The following ZMAT4 variants were observed in gnomAD, a reference collection of about 807,000 sequenced individuals.
ZMAT4 encodes the protein zinc finger matrin-type protein 4.
A neutral mutation model predicts 28.7 loss-of-function variants in ZMAT4; 17 were observed. That is an observed-to-expected ratio of 0.59 (90% CI 0.41 to 0.89). ZMAT4 has a LOEUF of 0.89. Ranked by LOEUF, ZMAT4 falls within the 40% of genes least tolerant of loss-of-function variation. The pLI, the probability that ZMAT4 is intolerant of heterozygous loss-of-function variation, is 0.00. For synonymous variants in ZMAT4, 117 were observed against 109.2 expected (o/e 1.07, Z -0.44); for missense variants, 240 against 283.8 (o/e 0.85, Z 1.11).
At chr8:40,587,729 G>A (rs1331233347) in intron 5 of ZMAT4, among the ~76,000 whole-genome samples, 1 of 151,896 alleles carries the variant, frequency 6.6e-6, no homozygotes, top group African/African-American at 2.4e-5. Flanking sequence ...GAAACAAATA[G>A]AAAACAGATA....
At chr8:40,848,472 G>T (rs1181856163) in intron 1 of ZMAT4, among the ~76,000 whole-genome samples, 1 of 152,184 alleles carries the variant, frequency 6.6e-6, no homozygotes, top group Non-Finnish European at 1.5e-5. Flanking sequence ...GAGAAAAGTG[G>T]GAGGTGGCCT....
intron 5 of ZMAT4, among the ~76,000 whole-genome samples, chr8:40,604,985 G>A (rs952221842): frequency 6.6e-6 from 1 of 151,958 alleles, no homozygotes; most frequent in African/African-American, 2.4e-5. Flanking sequence ...GCTCATAGTA[G>A]CCCTGAATAA....
At chr8:40,693,963 C>T (rs1809764684) in intron 4 of ZMAT4, among the ~76,000 whole-genome samples, 1 of 152,212 alleles carries the variant, frequency 6.6e-6, no homozygotes, top group Non-Finnish European at 1.5e-5. Context: ...ACAGAAATCA[C>T]CCCAGTTCAA....
At chr8:40,846,937 T>C (rs1816923729) in intron 1 of ZMAT4, among the ~76,000 whole-genome samples, 2 of 152,300 alleles carry the variant, frequency 1.3e-5, no homozygotes, top group Admixed American at 1.3e-4. Context: ...CCAGGCACAG[T>C]GGCTCATGCC....
At chr8:40,795,191 T>C (rs1814536644) in intron 2 of ZMAT4, among the ~76,000 whole-genome samples, 3 of 152,142 alleles carry the variant, frequency 2.0e-5, no homozygotes, top group Non-Finnish European at 4.4e-5. Context: ...CTTGAGTCCA[T>C]GTTTATAGCC....
intron 5 of ZMAT4, among the ~76,000 whole-genome samples, chr8:40,656,059 G>C (rs1202707025): frequency 6.6e-6 from 1 of 152,056 alleles, no homozygotes; most frequent in Admixed American, 6.6e-5. Context: ...TATCTGATAA[G>C]AATCCAGTAT....
chr8:40,697,745 C>T (rs1162824630), intron 3 of ZMAT4, among the ~76,000 whole-genome samples: 1 of 140,246 alleles, frequency 7.1e-6, no homozygotes, highest in South Asian at 2.6e-4. Context: ...GGTGCAATCT[C>T]TTTTTCTTCA....
chr8:40,589,945 C>T (rs1804822656), intron 5 of ZMAT4, among the ~76,000 whole-genome samples: 1 of 113,750 alleles, frequency 8.8e-6, no homozygotes, highest in African/African-American at 3.3e-5. Context: ...CCCTTCCTTC[C>T]TTCCTTCTTC....
At chr8:40,701,525 TTTTTTTTTTTG>T (rs1563421497) in intron 3 of ZMAT4, among the ~76,000 whole-genome samples, 1 of 138,922 alleles carries the variant, frequency 7.2e-6, no homozygotes, top group African/African-American at 2.7e-5. Flanking sequence ...TTTTTTTTTT[TTTTTTTTTTTG>T]AGATGGAGTC....
chr8:40,785,184 A>G lies in ZMAT4; in HGVS notation c.103-17454T>C, dbSNP rs1342976054. 2.0e-5 allele frequency among the ~76,000 whole-genome samples: 3 copies of G among 152,240 alleles called. No homozygotes were observed. The East Asian group carries it at 5.8e-4, about 29-fold the overall frequency. ...TATGTAAACAGACCCTTCAATGTCT[A>G]TTGCAAGACTGACCCGTCTCTGAAA... On this transcript the variant is annotated intron_variant, in intron 2 of 6. Transcript: ENST00000297737.
chr8:40,887,318 A>G (rs1385864124), intron 1 of ZMAT4, among the ~76,000 whole-genome samples: 9 of 151,432 alleles, frequency 5.9e-5, no homozygotes, highest in Admixed American at 4.6e-4. Context: ...GTGAAACCCC[A>G]TCTCTACTAA....
chr8:40,807,762 C>T (rs1459870246), intron 2 of ZMAT4, among the ~76,000 whole-genome samples: 1 of 152,160 alleles, frequency 6.6e-6, no homozygotes, highest in East Asian at 1.9e-4. Flanking sequence ...TCATTAATTT[C>T]AAAACTTTGT....
At chr8:40,881,813 C>T (rs936424520) in intron 1 of ZMAT4, among the ~76,000 whole-genome samples, 15 of 152,112 alleles carry the variant, frequency 9.9e-5, no homozygotes, top group African/African-American at 3.4e-4. Context: ...ATGGGAATAG[C>T]TCGGCCCAAC....
chr8:40,637,704 T>C lies in ZMAT4; in HGVS notation c.577+37000A>G, dbSNP rs558403144. Among the ~76,000 whole-genome samples the C allele has an allele frequency of 1.8e-3, 270 of 152,304 alleles. 3 individuals are homozygous for C. The highest frequency in any genetic ancestry group is 6.1e-3 in the African/African-American group (253 of 41,556). On this transcript the variant is annotated intron_variant, in intron 5 of 6. Coordinates refer to ENST00000297737, the MANE Select transcript of ZMAT4 (RefSeq NM_024645.3). ...ACAAATGACTGCATTTAAGAACACC[T>C]GGGAAAACCACACACGTGACTCAGG...
intron 2 of ZMAT4, among the ~76,000 whole-genome samples, chr8:40,814,638 G>T (rs1467190705): frequency 1.3e-5 from 2 of 152,154 alleles, no homozygotes; most frequent in Non-Finnish European, 2.9e-5. Flanking sequence ...ATGAAACTAA[G>T]ATTATAGCAT....
At chr8:40,607,986 G>A (rs1290481175) in intron 5 of ZMAT4, among the ~76,000 whole-genome samples, 1 of 152,024 alleles carries the variant, frequency 6.6e-6, no homozygotes, top group Non-Finnish European at 1.5e-5. Flanking sequence ...TTTTTTTAAT[G>A]TGTTGGTCTT....
chr8:40,653,416 A>T lies in ZMAT4; in HGVS notation c.577+21288T>A, dbSNP rs182671359. Among the ~76,000 whole-genome samples the T allele has an allele frequency of 5.3e-5, 8 of 152,224 alleles. No individual in the cohort carries two copies. In the East Asian group the frequency reaches 1.5e-3, roughly 29 times the overall value. On this transcript the variant is annotated intron_variant, in intron 5 of 6. Transcript: ENST00000297737. ...GGAAGGAAATAATACATTAGAATAG[A>T]AGAAGATGAAATAGATTATAGAAAA...
chr8:40,606,996 T>C (rs1373456163), intron 5 of ZMAT4, among the ~76,000 whole-genome samples: 1 of 152,136 alleles, frequency 6.6e-6, no homozygotes, highest in Non-Finnish European at 1.5e-5. Flanking sequence ...TTCAATTCTA[T>C]TGTTGAGAGT....
intron 1 of ZMAT4, among the ~76,000 whole-genome samples, chr8:40,876,802 C>T (rs1408980936): frequency 1.3e-5 from 2 of 152,160 alleles, no homozygotes; most frequent in African/African-American, 2.4e-5. Flanking sequence ...CATGTATTTT[C>T]GACTGTGCAA....
Sources: gnomAD v4.1 joint callset for allele counts (sites outside exome capture counted in the v4.1 genomes callset) on GRCh38, gnomAD v4.1.1 for gene constraint, MANE v1.5 for transcripts, NCBI Gene and HGNC (gene_info 2026-07-23, HGNC 2026-07-21) for gene names.